GFOD1: variants seen among roughly 807,000 people sequenced by gnomAD.
The protein encoded by GFOD1 is glucose-fructose oxidoreductase domain-containing protein 1.
A neutral mutation model predicts 25.4 loss-of-function variants in GFOD1; 9 were observed. The ratio of observed to expected loss-of-function variants is 0.35; its 90% CI spans 0.21 to 0.62. GFOD1 has a LOEUF of 0.62. GFOD1 is among the 20% of genes least tolerant of loss of function. The pLI is 0.72. For synonymous variants in GFOD1, 253 were observed against 245.6 expected (o/e 1.03, Z -0.28); for missense variants, 403 against 556.9 (o/e 0.72, Z 2.78).
At chr6:13,373,737 C>CAA (rs1554199336) in intron 1 of GFOD1, among the ~76,000 whole-genome samples, 1 of 132,274 alleles carries the variant, frequency 7.6e-6, no homozygotes, top group Non-Finnish European at 1.5e-5. Flanking sequence ...CTTCCTGCTC[C>CAA]CCCAACACAC....
intron 1 of GFOD1, among the ~76,000 whole-genome samples, chr6:13,391,307 G>A (rs1283475473): frequency 5.3e-5 from 8 of 151,970 alleles, no homozygotes; most frequent in Non-Finnish European, 1.0e-4. Flanking sequence ...AAACCAGCCT[G>A]GCCAACATGG....
chr6:13,478,021 G>T (rs575035493), intron 1 of GFOD1, among the ~76,000 whole-genome samples: 11 of 149,870 alleles, frequency 7.3e-5, no homozygotes, highest in African/African-American at 2.7e-4. Flanking sequence ...CTGAGATCAT[G>T]CCACTGCACT....
rs149647110 is a variant in GFOD1 at position 13,456,876 on chromosome 6, T to A, written c.253+29762A>T. 4.2e-3 allele frequency among the ~76,000 whole-genome samples: 647 copies of A among 152,274 alleles called. 4 individuals carry two copies. Among genetic ancestry groups the A allele is most frequent in the African/African-American group, 0.015 (629 of 41,562 alleles). On this transcript the variant is annotated intron_variant, in intron 1 of 1. Transcript: ENST00000379287. ...ACAGAAAGTTCACGTGAGCTTTTCA[T>A]ATAAGAACAAGAGACCTCCTACAGA... is the stretch of plus-strand genomic sequence containing the variant.
intron 1 of GFOD1, among the ~76,000 whole-genome samples, chr6:13,481,150 AG>A (rs1758743531): frequency 6.6e-6 from 1 of 152,242 alleles, no homozygotes; most frequent in African/African-American, 2.4e-5. Flanking sequence ...ATCACACACC[AG>A]GAAGAGTGTT....
chr6:13,370,215 A>G (rs1311482306), intron 1 of GFOD1, among the ~76,000 whole-genome samples: 1 of 152,184 alleles, frequency 6.6e-6, no homozygotes, highest in Non-Finnish European at 1.5e-5. Flanking sequence ...CTCTGTTGCC[A>G]GGTCTTCTTG....
In GFOD1 at chr6:13,469,130, G is replaced by A. The variant is rs539812503; in HGVS notation, c.253+17508C>T. 8.1e-5 allele frequency: 35 copies of A among 433,884 alleles called. 1 individual carries two copies. Among genetic ancestry groups the A allele is most frequent in the African/African-American group, 6.6e-4 (31 of 46,638 alleles). The allele number at this position is 433,884 out of a possible 1,614,324, so 26.9% of individuals were successfully genotyped here. ...ACTCAGTTATGTAGGAGAGGGAGTT[G>A]GCCTGTGTCTCCTATTATGGCCCTC... On this transcript the variant is annotated intron_variant, in intron 1 of 1. Coordinates refer to ENST00000379287, the MANE Select transcript of GFOD1 (RefSeq NM_018988.4).
At chr6:13,457,071 C>T (rs542465342) in intron 1 of GFOD1, among the ~76,000 whole-genome samples, 2 of 152,266 alleles carry the variant, frequency 1.3e-5, no homozygotes, top group East Asian at 1.9e-4. Context: ...GGCAATGCTG[C>T]CCACAGCCCA....
intron 1 of GFOD1, among the ~76,000 whole-genome samples, chr6:13,391,357 G>C (rs531248386): frequency 5.3e-5 from 8 of 152,018 alleles, no homozygotes; most frequent in Non-Finnish European, 8.8e-5. Context: ...AATTAGCTGG[G>C]CGCAGTGGTG....
chr6:13,413,096 T>A lies in GFOD1; in HGVS notation c.254-47434A>T, dbSNP rs577946561. The stretch of plus-strand genomic sequence containing the variant: ...ACTGAGTCAGCCTTTGCCAACATGT[T>A]CCGCTGGAGTGCCTGCACCCTAGAC... On this transcript the variant is annotated intron_variant, in intron 1 of 1. Transcript: ENST00000379287. Among the ~76,000 whole-genome samples the A allele has an allele frequency of 7.2e-5, 11 of 152,322 alleles. No individual in the cohort carries two copies. The South Asian group carries it at 2.3e-3, about 32-fold the overall frequency.
intron 1 of GFOD1, among the ~76,000 whole-genome samples, chr6:13,405,857 C>T (rs925130716): frequency 2.0e-5 from 3 of 152,054 alleles, no homozygotes; most frequent in Non-Finnish European, 2.9e-5. Context: ...AACAAAGAAG[C>T]ATAAAAGACG....
chr6:13,395,613 A>T (rs1562204791), intron 1 of GFOD1, among the ~76,000 whole-genome samples: 1 of 152,220 alleles, frequency 6.6e-6, no homozygotes, highest in Non-Finnish European at 1.5e-5. Flanking sequence ...TAAAATGTAG[A>T]CAGCAATATC....
intron 1 of GFOD1, among the ~76,000 whole-genome samples, chr6:13,480,554 G>A (rs564321768): frequency 2.9e-4 from 44 of 152,132 alleles, no homozygotes; most frequent in African/African-American, 8.7e-4. Flanking sequence ...TCACTCTGTC[G>A]CCCAGACTGG....
intron 1 of GFOD1, among the ~76,000 whole-genome samples, chr6:13,441,829 T>A (rs1175046530): frequency 6.6e-6 from 1 of 152,198 alleles, no homozygotes; most frequent in African/African-American, 2.4e-5. Context: ...TTAAGAAAGA[T>A]TAACAAAAAC....
At chr6:13,471,711 G>A (rs1758508923) in intron 1 of GFOD1, among the ~76,000 whole-genome samples, 1 of 152,128 alleles carries the variant, frequency 6.6e-6, no homozygotes, top group Admixed American at 6.5e-5. Context: ...CCACAGGTTG[G>A]GGTTGCTCAA....
Position 13,364,829 on chromosome 6 carries a change from C to A in GFOD1, c.1087G>T (p.Ala363Ser). ...AGCTCCGGCTCCTCGGTCATGATGG[C>A]AATGTTCTGCCACTCGCCCGTCTGG... ...SSQTGEWQNIAIMTEEPELSP... is the reference protein window; with the variant it reads ...SSQTGEWQNISIMTEEPELSP... The change falls in exon 2 of 2, where the codon GCC becomes TCC. Residue 363 changes from alanine (A) to serine (S), a missense_variant. Ala to Ser is a moderately conservative substitution (Grantham distance 99, BLOSUM62 1). Coordinates refer to ENST00000379287, the MANE Select transcript of GFOD1 (RefSeq NM_018988.4). The surrounding 1 kb of genome is among the most constrained non-coding windows in gnomAD (Gnocchi z 4.1). The A allele has an allele frequency of 6.2e-7, 1 of 1,614,064 alleles. No individual in the cohort carries two copies. The highest frequency in any genetic ancestry group is 8.5e-7 in the Non-Finnish European group (1 of 1,180,036).
intron 1 of GFOD1, among the ~76,000 whole-genome samples, chr6:13,426,723 C>T (rs890123268): frequency 3.3e-5 from 5 of 152,144 alleles, no homozygotes; most frequent in African/African-American, 7.2e-5. Context: ...AACCCCTGAG[C>T]GAGGGATAAT....
intron 1 of GFOD1, among the ~76,000 whole-genome samples, chr6:13,384,276 C>G (rs147460347): frequency 1.3e-5 from 2 of 152,306 alleles, no homozygotes; most frequent in African/African-American, 2.4e-5. Context: ...AATGTTTTTA[C>G]TCTTTCGATT....
rs1441448212 is a variant in GFOD1, at chr6:13,358,371, C to T, written c.*6372G>A. 3 of 151,848 alleles carry T rather than the reference C, an allele frequency of 2.0e-5. No individual in the cohort carries two copies. Among genetic ancestry groups the T allele is most frequent in the Admixed American group, 1.3e-4 (2 of 15,236 alleles). 9.4% of individuals were successfully genotyped at this position (151,848 alleles called of 1,614,324 possible). On this transcript the variant is annotated 3_prime_UTR_variant, in exon 2 of 2. Coordinates refer to ENST00000379287, the MANE Select transcript of GFOD1 (RefSeq NM_018988.4). ...TTGTAAAACACAATAAATATATACTCGACAATGACAGCCAAACAAATGCCA... is the reference window on the plus strand; with the variant it reads ...TTGTAAAACACAATAAATATATACTTGACAATGACAGCCAAACAAATGCCA...
intron 1 of GFOD1, among the ~76,000 whole-genome samples, chr6:13,466,696 C>G (rs1213557268): frequency 6.6e-6 from 1 of 152,024 alleles, no homozygotes; most frequent in East Asian, 1.9e-4. Flanking sequence ...TTCCTTGGTG[C>G]AGTGGACCAC....
Sources: allele counts gnomAD v4.1 joint callset (sites outside exome capture counted in the v4.1 genomes callset), GRCh38; gene constraint gnomAD v4.1.1; non-coding constraint Gnocchi (gnomAD v3.1); transcripts MANE v1.5; gene names NCBI Gene and HGNC (gene_info 2026-07-23, HGNC 2026-07-21).